GBF1: variants seen among roughly 807,000 people sequenced by gnomAD.
GBF1 encodes Golgi-specific brefeldin A-resistance guanine nucleotide exchange factor 1.
GBF1 carries 114 observed loss-of-function variants against 210.5 expected under a neutral mutation model. That is an observed-to-expected ratio of 0.54 (90% CI 0.47 to 0.63). The LOEUF (loss-of-function observed/expected upper bound fraction) is 0.63. Among genes scored for constraint, GBF1 ranks in the 30% least tolerant of loss-of-function variants. The pLI, the probability that GBF1 is intolerant of heterozygous loss-of-function variation, is 0.00. For missense variants in GBF1, 1,851 were observed against 2,357.7 expected (o/e 0.79, Z 4.45); for synonymous variants, 850 against 889.2 (o/e 0.96, Z 0.78).
rs750049369 is a variant in GBF1, at chr10:102,379,506, T to A, written c.4646-15T>A. 1.2e-6 allele frequency: 2 copies of A among 1,614,128 alleles called. No individual in the cohort carries two copies. The highest frequency in any genetic ancestry group is 1.7e-6 in the Non-Finnish European group (2 of 1,179,998). Reference sequence around the variant, plus strand: ...CAAGATGCCTGAAGGATCCTGACCCTGCTCTTGCTCTCAGGTATTGCCTGC... The same window carrying A: ...CAAGATGCCTGAAGGATCCTGACCCAGCTCTTGCTCTCAGGTATTGCCTGC... On this transcript the variant is annotated splice_polypyrimidine_tract_variant and intron_variant, in intron 34 of 39. Transcript: ENST00000369983.
intron 29 of GBF1, among the ~76,000 whole-genome samples, chr10:102,373,494 T>C (rs2060325494): frequency 6.6e-6 from 1 of 152,190 alleles, no homozygotes; most frequent in Admixed American, 6.5e-5. Flanking sequence ...GAGGATCGCT[T>C]GAACGCAGGA....
At chr10:102,256,360 G>A (rs1343670356) in intron 1 of GBF1, among the ~76,000 whole-genome samples, 3 of 151,704 alleles carry the variant, frequency 2.0e-5, no homozygotes, top group Non-Finnish European at 4.4e-5. Context: ...TACTTGCTAG[G>A]TACATTTCTT....
chr10:102,253,992 G>C (rs2071985963), intron 1 of GBF1, among the ~76,000 whole-genome samples: 1 of 152,058 alleles, frequency 6.6e-6, no homozygotes, highest in South Asian at 2.1e-4. Flanking sequence ...ATTTTGGGGA[G>C]GGGTTATATG....
chr10:102,252,089 C>G (rs1420528325), intron 1 of GBF1, among the ~76,000 whole-genome samples: 1 of 152,024 alleles, frequency 6.6e-6, no homozygotes, highest in African/African-American at 2.4e-5. Context: ...CCTGTAATCC[C>G]AGCACTTTGG....
At chr10:102,235,264 AG>A in the GBF1 span, among the ~76,000 whole-genome samples, 2 of 148,284 alleles carry the variant, frequency 1.3e-5, no homozygotes, top group Non-Finnish European at 3.0e-5. Context: ...GAGCAGGCCA[AG>A]GGGCCAGGGG....
chr10:102,298,091 C>T (rs535521747), intron 3 of GBF1, among the ~76,000 whole-genome samples: 2 of 152,132 alleles, frequency 1.3e-5, no homozygotes, highest in South Asian at 2.1e-4. Context: ...CCCACCACCA[C>T]GCCCAGCTAA....
At chr10:102,286,957 G>C (rs1277314155) in intron 3 of GBF1, among the ~76,000 whole-genome samples, 2 of 152,166 alleles carry the variant, frequency 1.3e-5, no homozygotes, top group African/African-American at 2.4e-5. Context: ...GGAGGGGACT[G>C]TGTTGGACTC....
At chr10:102,342,391 A>G (rs772540965) in intron 3 of GBF1, among the ~76,000 whole-genome samples, 41 of 147,870 alleles carry the variant, frequency 2.8e-4, no homozygotes, top group East Asian at 5.9e-4. Context: ...ACACACACGC[A>G]CACACACACA....
At chr10:102,235,172 A>ACC in the GBF1 span, among the ~76,000 whole-genome samples, 1,987 of 77,056 alleles carry the variant, frequency 0.026, 20 homozygotes, top group Middle Eastern at 0.036. Flanking sequence ...CCCTTCCCCC[A>ACC]CCCCCCACCC....
intron 3 of GBF1, among the ~76,000 whole-genome samples, chr10:102,326,152 G>A (rs973762297): frequency 6.6e-6 from 1 of 152,110 alleles, no homozygotes; most frequent in Non-Finnish European, 1.5e-5. Context: ...TTTTTTGAAC[G>A]CTATCTGAGT....
chr10:102,366,578 C>A lies in GBF1; in HGVS notation c.2433+72C>A. On this transcript the variant is annotated intron_variant, in intron 19 of 39. Transcript: ENST00000369983. This position sits in a 1 kb window ranked among gnomAD's most constrained non-coding sequence, Gnocchi z 4.0. The stretch of plus-strand genomic sequence containing the variant: ...GACTGAGGGCTGAAGAATCCAGCTG[C>A]TGTCTCTTTTTTTTTTTTTTTTTTT... 1.0e-6 allele frequency: 1 copy of A among 1,003,104 alleles called. No individual in the cohort carries two copies. The highest frequency in any genetic ancestry group is 1.4e-6 in the Non-Finnish European group (1 of 692,680). The allele number at this position is 1,003,104 out of a possible 1,614,324, so 62.1% of individuals were successfully genotyped here.
chr10:102,274,698 G>GTT (rs1727697711), intron 3 of GBF1, among the ~76,000 whole-genome samples: 2 of 79,954 alleles, frequency 2.5e-5, no homozygotes, highest in African/African-American at 1.0e-4. Flanking sequence ...GCAAAACAAA[G>GTT]ATTTTTTTTT....
At chr10:102,374,416 G>A (rs555920225) in intron 29 of GBF1, among the ~76,000 whole-genome samples, 2 of 152,194 alleles carry the variant, frequency 1.3e-5, no homozygotes, top group South Asian at 4.2e-4. Flanking sequence ...GGAGGTGGGT[G>A]TGGTTATAAA....
At chr10:102,275,011 C>CT (rs55784094) in intron 3 of GBF1, among the ~76,000 whole-genome samples, 1,617 of 124,778 alleles carry the variant, frequency 0.013, 53 homozygotes, top group African/African-American at 0.045. Context: ...CGCGCCAGGA[C>CT]TTTTTTTTTT....
chr10:102,314,483 T>G (rs2078763568), intron 3 of GBF1, among the ~76,000 whole-genome samples: 1 of 152,140 alleles, frequency 6.6e-6, no homozygotes, highest in African/African-American at 2.4e-5. Flanking sequence ...CCTCCTATAC[T>G]TTCTTCCTTT....
At chr10:102,357,958 C>A in intron 8 of GBF1, 81 bp from the exon 9 acceptor site, 1 of 938,272 alleles carries the variant, frequency 1.1e-6, no homozygotes, top group African/African-American at 1.6e-5. Flanking sequence ...TTCTAGAGAT[C>A]AGTAGGACTA....
At chr10:102,253,289 G>C (rs935474328) in intron 1 of GBF1, among the ~76,000 whole-genome samples, 1 of 152,178 alleles carries the variant, frequency 6.6e-6, no homozygotes, top group African/African-American at 2.4e-5. Flanking sequence ...AACTGAGGCT[G>C]CATGTATGTA....
rs1429516882 is a variant in GBF1, at chr10:102,358,203, A to G, written c.787+17A>G. The G allele has an allele frequency of 1.1e-5, 17 of 1,606,038 alleles. No homozygotes were observed. Among genetic ancestry groups the G allele is most frequent in the Non-Finnish European group, 1.4e-5 (17 of 1,174,266 alleles). On this transcript the variant is annotated intron_variant, in intron 9 of 39. Coordinates refer to ENST00000369983, the MANE Select transcript of GBF1 (RefSeq NM_001377137.1). ...ACCTCACTGGTGAGTGCCCTGGACT[A>G]CTTCCTCTGATTAGACAAAAGAAGA...
At chr10:102,284,633 GT>G (rs1214115785) in intron 3 of GBF1, among the ~76,000 whole-genome samples, 5 of 152,164 alleles carry the variant, frequency 3.3e-5, no homozygotes, top group African/African-American at 1.2e-4. Flanking sequence ...TCCATTGTGT[GT>G]GTATACCACA....
Sources: allele counts gnomAD v4.1 joint callset (sites outside exome capture counted in the v4.1 genomes callset), GRCh38; gene constraint gnomAD v4.1.1; non-coding constraint Gnocchi (gnomAD v3.1); transcripts MANE v1.5; gene names NCBI Gene and HGNC (gene_info 2026-07-23, HGNC 2026-07-21).